The following C8B variants were observed in gnomAD, a reference collection of about 807,000 sequenced individuals.
The protein encoded by C8B is complement component C8 beta chain.
C8B carries 67 observed loss-of-function variants against 64.6 expected under a neutral mutation model. That is an observed-to-expected ratio of 1.04 (90% CI 0.85 to 1.27). The LOEUF (loss-of-function observed/expected upper bound fraction) is 1.27, where lower values mean the gene tolerates loss of function less well. Among genes scored for constraint, C8B ranks in the 50% most tolerant of loss-of-function variants. C8B has a pLI of 0.00. For missense variants in C8B, 790 were observed against 725.2 expected, an observed-to-expected ratio of 1.09 and a Z score of -1.03; for synonymous variants, 284 against 257.7, an observed-to-expected ratio of 1.10 and a Z score of -0.98.
In C8B at chr1:56,933,436, G is replaced by A. The variant is rs770404146; in HGVS notation, c.1451C>T (p.Thr484Ile). ...TGCCTGCTTCATGTTCTGCCTCACT[G>A]TGCTGGAATAGGCAAAATCTGTGGC... ...VTATDFAYSSTVRQNMKQALE... is the reference protein window; with the variant it reads ...VTATDFAYSSIVRQNMKQALE... Residue 484 changes from threonine to isoleucine, a missense_variant, in exon 10 of 12, where the codon ACA becomes ATA. Transcript: ENST00000371237. 2.5e-6 allele frequency: 4 copies of A among 1,613,674 alleles called. No homozygotes were observed. In the South Asian group the frequency reaches 4.4e-5, roughly 18 times the overall value.
rs867148395 is a variant in C8B, at chr1:56,940,936, G to A, written c.1311C>T (p.Thr437=). 1 of 1,614,086 alleles carries A rather than the reference G, an allele frequency of 6.2e-7. No individual in the cohort carries two copies. Among genetic ancestry groups the A allele is most frequent in the Non-Finnish European group, 8.5e-7 (1 of 1,180,014 alleles). Residue 437 remains threonine, a synonymous_variant, in exon 9 of 12, where the codon ACC becomes ACT. Coordinates refer to ENST00000371237, the MANE Select transcript of C8B (RefSeq NM_000066.4). ...VRGGASEHIT[T]LAYQELPTAD... ...CCGTCGGCAGCTCCTGGTATGCCAG[G>A]GTGGTGATGTGCTCACTTGCCCCTC...
intron 9 of C8B, among the ~76,000 whole-genome samples, chr1:56,933,696 T>A (rs1644736203): frequency 6.6e-6 from 1 of 152,112 alleles, no homozygotes; most frequent in Non-Finnish European, 1.5e-5. Flanking sequence ...AACAAACACT[T>A]AGAATGCTTA....
At position 56,946,057 on chromosome 1, in the gene C8B, C is replaced by T. The variant is rs372123388; in HGVS notation, c.869G>A (p.Ser290Asn). ...GTCAGAGCGTGCATGCAGAAATACG[C>T]TTTTCTAAATGAAATACCAACATGG... ...RRTKRFSHTK[S>N]VFLHARSDLE... The change falls in exon 7 of 12, where the codon AGC (serine) becomes AAC (asparagine). Residue 290 changes from serine (S) to asparagine (N), a missense_variant. Physicochemically the swap from Ser to Asn is conservative, Grantham distance 46. Coordinates refer to ENST00000371237, the MANE Select transcript of C8B (RefSeq NM_000066.4). 2.5e-5 allele frequency: 40 copies of T among 1,614,088 alleles called. No homozygotes were observed. The East Asian group carries it at 7.8e-4, about 31-fold the overall frequency.
chr1:56,951,960 G>GGGATGTGTCCAAGGTCACACA (rs67828982), intron 5 of C8B, 88 bp downstream of exon 5: 870,471 of 1,347,038 alleles, frequency 0.65, 283,455 homozygotes, highest in South Asian at 0.76. Context: ...AAGAGAAAAG[G>GGGATGTGTCCAAGGTCACACA]GCTAGCAGGC....
intron 9 of C8B, among the ~76,000 whole-genome samples, chr1:56,936,245 A>G (rs114508149): frequency 0.017 from 2,594 of 152,354 alleles, 71 homozygotes; most frequent in South Asian, 0.11. Context: ...CTGTTCCTAA[A>G]TAATTGTATC....
rs982138453 is a variant in C8B, at chr1:56,929,512, T to C, written c.1668A>G (p.Ser556=). 6.2e-7 allele frequency: 1 copy of C among 1,613,832 alleles called. No homozygotes were observed. Among genetic ancestry groups the C allele is most frequent in the Non-Finnish European group, 8.5e-7 (1 of 1,179,828 alleles). Residue 556 remains serine, a synonymous_variant, in exon 12 of 12, where the codon TCA becomes TCG. Coordinates refer to ENST00000371237, the MANE Select transcript of C8B (RefSeq NM_000066.4). ...GKWNCWSNWS[S]CSGRRKTRQR... Reference sequence around the variant, plus strand: ...GTCTTGTCTTACGTCTTCCAGAGCATGAAGACCAATTTGACCAGCAATTCC... The same window carrying C: ...GTCTTGTCTTACGTCTTCCAGAGCACGAAGACCAATTTGACCAGCAATTCC...
intron 9 of C8B, among the ~76,000 whole-genome samples, chr1:56,934,000 C>T (rs1039966712): frequency 1.3e-5 from 2 of 152,128 alleles, no homozygotes; most frequent in Non-Finnish European, 2.9e-5. Flanking sequence ...TCCCATCCTG[C>T]AAGAGTCACT....
chr1:56,948,435 G>A (rs1228070444), intron 6 of C8B, among the ~76,000 whole-genome samples: 1 of 152,138 alleles, frequency 6.6e-6, no homozygotes. Flanking sequence ...AAAAGTAGAG[G>A]GGAATATGCC....
intron 1 of C8B, chr1:56,964,045 T>C (rs1331152873): frequency 6.1e-6 from 6 of 983,116 alleles, no homozygotes; most frequent in South Asian, 4.7e-5. Flanking sequence ...GTCAGAACTA[T>C]ACCCAGATTC....
chr1:56,962,115 T>C (rs774747645), intron 1 of C8B, among the ~76,000 whole-genome samples: 3 of 152,190 alleles, frequency 2.0e-5, no homozygotes, highest in Non-Finnish European at 2.9e-5. Context: ...AGCAGGTAAG[T>C]AATGTACACA....
At chr1:56,962,124 C>T (rs963735852) in intron 1 of C8B, among the ~76,000 whole-genome samples, 2 of 152,198 alleles carry the variant, frequency 1.3e-5, no homozygotes, top group Non-Finnish European at 2.9e-5. Flanking sequence ...GTAATGTACA[C>T]ACTAGCTATT....
chr1:56,944,071 T>C (rs856840), intron 7 of C8B, among the ~76,000 whole-genome samples: 10,867 of 152,192 alleles, frequency 0.071, 668 homozygotes, highest in African/African-American at 0.17. Context: ...TTGCTGACTT[T>C]GAAAGAGGGG....
rs966326875 is a variant in C8B, at chr1:56,952,290, G to A, written c.534-110C>T. ...AAAACTCCTTGGCACAGCCTTCAAG[G>A]CCCTTGATACCTGGTCCAAGCCAGC... On this transcript the variant is annotated intron_variant, in intron 4 of 11. Coordinates refer to ENST00000371237, the MANE Select transcript of C8B (RefSeq NM_000066.4). 15 of 1,455,294 alleles carry A rather than the reference G, an allele frequency of 1.0e-5. No individual in the cohort carries two copies. In the African/African-American group the frequency reaches 1.7e-4, roughly 16 times the overall value. The allele number at this position is 1,455,294 out of a possible 1,614,324, so 90.1% of individuals were successfully genotyped here.
At chr1:56,934,226 CTG>C (rs1644744867) in intron 9 of C8B, among the ~76,000 whole-genome samples, 3 of 147,314 alleles carry the variant, frequency 2.0e-5, no homozygotes, top group African/African-American at 7.6e-5. Context: ...TGTCTCAGCT[CTG>C]TGTTTCGAGG....
At chr1:56,964,514 C>T (rs2101480101) in intron 1 of C8B, among the ~76,000 whole-genome samples, 1 of 152,316 alleles carries the variant, frequency 6.6e-6, no homozygotes, top group South Asian at 2.1e-4. Context: ...GCCTGTGCTG[C>T]TCCCTCTACC....
At chr1:56,929,770 C>T (rs1283559941) in intron 11 of C8B, among the ~76,000 whole-genome samples, 1 of 152,166 alleles carries the variant, frequency 6.6e-6, no homozygotes, top group African/African-American at 2.4e-5. Flanking sequence ...ACACTCTTCC[C>T]TCCTCTACTC....
At chr1:56,954,923 G>A in intron 3 of C8B, 96 bp from the exon 4 acceptor site, 1 of 1,410,180 alleles carries the variant, frequency 7.1e-7, no homozygotes, top group Non-Finnish European at 1.0e-6. Context: ...CCTTTTGTCA[G>A]GCCTTGCATG....
chr1:56,948,334 A>T (rs1448979735), intron 6 of C8B, among the ~76,000 whole-genome samples: 1 of 152,240 alleles, frequency 6.6e-6, no homozygotes, highest in Non-Finnish European at 1.5e-5. Context: ...CAAATATTGA[A>T]TAGTAATACT....
chr1:56,942,298 C>T (rs139701863), intron 8 of C8B, among the ~76,000 whole-genome samples: 3 of 152,262 alleles, frequency 2.0e-5, no homozygotes, highest in African/African-American at 7.2e-5. Flanking sequence ...TAAACAGTGG[C>T]CACTATAAAG....
Sources: gnomAD v4.1 joint callset for allele counts (sites outside exome capture counted in the v4.1 genomes callset) on GRCh38, gnomAD v4.1.1 for gene constraint, MANE v1.5 for transcripts, NCBI Gene and HGNC (gene_info 2026-07-23, HGNC 2026-07-21) for gene names.